The following KLHL29 variants were observed in gnomAD, a reference collection of about 807,000 sequenced individuals.
The protein encoded by KLHL29 is kelch like family member 29.
In KLHL29, 21 loss-of-function variants were observed where a neutral mutation model predicts 80.4. The ratio of observed to expected loss-of-function variants is 0.26; its 90% CI spans 0.19 to 0.38. The LOEUF (loss-of-function observed/expected upper bound fraction) is 0.38, where lower values mean the gene tolerates loss of function less well. Among genes scored for constraint, KLHL29 ranks in the 10% least tolerant of loss-of-function variants. KLHL29 has a pLI of 1.00. For synonymous variants in KLHL29, 511 were observed against 526.8 expected (o/e 0.97, Z 0.41); for missense variants, 867 against 1,223.9 (o/e 0.71, Z 4.35).
At chr2:23,505,835 T>C (rs755798083) in intron 2 of KLHL29, among the ~76,000 whole-genome samples, 5 of 152,300 alleles carry the variant, frequency 3.3e-5, no homozygotes, top group African/African-American at 4.8e-5. Flanking sequence ...ACATCAGAAG[T>C]GTCCTCCCAG....
At chr2:23,398,200 A>G (rs1666500267) in intron 1 of KLHL29, among the ~76,000 whole-genome samples, 1 of 152,272 alleles carries the variant, frequency 6.6e-6, no homozygotes, top group South Asian at 2.1e-4. Flanking sequence ...GCCAAAAGGT[A>G]GAAGCAACCC....
intron 3 of KLHL29, among the ~76,000 whole-genome samples, chr2:23,601,200 A>G (rs1273568365): frequency 2.0e-5 from 3 of 152,174 alleles, no homozygotes; most frequent in African/African-American, 7.2e-5. Context: ...GGCGTCGTCA[A>G]AAGGGGAGAA....
chr2:23,463,637 G>A (rs749333280), intron 1 of KLHL29, among the ~76,000 whole-genome samples: 5 of 152,136 alleles, frequency 3.3e-5, no homozygotes, highest in Admixed American at 1.3e-4. Flanking sequence ...GTCTTCTGCT[G>A]AGTCTTTTGG....
intron 5 of KLHL29, among the ~76,000 whole-genome samples, chr2:23,679,193 A>G (rs1276508108): frequency 1.3e-5 from 2 of 152,180 alleles, no homozygotes; most frequent in African/African-American, 4.8e-5. Flanking sequence ...AACAATTCTA[A>G]AATTCAGTGA....
intron 1 of KLHL29, among the ~76,000 whole-genome samples, chr2:23,422,456 G>C (rs1019888193): frequency 6.7e-6 from 1 of 148,968 alleles, no homozygotes; most frequent in Admixed American, 6.7e-5. Context: ...TGTGTGTTGT[G>C]TGTCTTTTTG....
At chr2:23,568,194 G>A (rs1667636209) in intron 3 of KLHL29, among the ~76,000 whole-genome samples, 1 of 151,504 alleles carries the variant, frequency 6.6e-6, no homozygotes, top group Non-Finnish European at 1.5e-5. Flanking sequence ...CCTTAGTCTG[G>A]GCAAAAAAAA....
chr2:23,395,214 T>A (rs1666418914), intron 1 of KLHL29, among the ~76,000 whole-genome samples: 1 of 152,136 alleles, frequency 6.6e-6, no homozygotes, highest in Non-Finnish European at 1.5e-5. Flanking sequence ...CCCGAGAAAT[T>A]CTGTGAGACA....
chr2:23,563,470 C>T (rs917415072), intron 3 of KLHL29, among the ~76,000 whole-genome samples: 11 of 152,212 alleles, frequency 7.2e-5, no homozygotes, highest in Admixed American at 3.9e-4. Flanking sequence ...CGTGTACATG[C>T]GTGTATGTGC....
At chr2:23,527,002 G>A (rs1330957870) in intron 2 of KLHL29, among the ~76,000 whole-genome samples, 1 of 152,124 alleles carries the variant, frequency 6.6e-6, no homozygotes, top group African/African-American at 2.4e-5. Context: ...GACCACACGG[G>A]GCTGGTATCC....
intron 8 of KLHL29, among the ~76,000 whole-genome samples, chr2:23,694,278 C>T (rs1023057731): frequency 2.0e-5 from 3 of 152,210 alleles, no homozygotes; most frequent in African/African-American, 7.2e-5. Context: ...GCTTAGCTTC[C>T]TCCCACTTCT....
chr2:23,650,714 G>T lies in KLHL29; in HGVS notation c.940+7864G>T, dbSNP rs74479642. Among the ~76,000 whole-genome samples the T allele has an allele frequency of 2.0e-5, 3 of 152,304 alleles. 1 individual carries two copies. Among genetic ancestry groups the T allele is most frequent in the Admixed American group, 2.0e-4 (3 of 15,300 alleles). ...CATGGGCCAGAACTTACCTGTGCAC[G>T]CCGCTTTCTCCTGTCATGACAGGGG... is the stretch of plus-strand genomic sequence containing the variant. On this transcript the variant is annotated intron_variant, in intron 5 of 13. Transcript: ENST00000486442.
intron 3 of KLHL29, among the ~76,000 whole-genome samples, chr2:23,593,205 C>T (rs1477132101): frequency 6.6e-6 from 1 of 152,182 alleles, no homozygotes; most frequent in Non-Finnish European, 1.5e-5. Context: ...CCTCTGGTGG[C>T]TTGTTGACTG....
intron 3 of KLHL29, among the ~76,000 whole-genome samples, chr2:23,572,807 T>A (rs945501552): frequency 6.6e-6 from 1 of 152,102 alleles, no homozygotes; most frequent in African/African-American, 2.4e-5. Context: ...TTCACACCAT[T>A]CTTCTGCCTC....
intron 1 of KLHL29, among the ~76,000 whole-genome samples, chr2:23,423,970 GCT>G (rs1558333187): frequency 6.6e-6 from 1 of 152,108 alleles, no homozygotes; most frequent in Non-Finnish European, 1.5e-5. Context: ...TGGAGCATCC[GCT>G]CTCTCTCCCT....
intron 2 of KLHL29, among the ~76,000 whole-genome samples, chr2:23,507,763 G>A (rs1019178678): frequency 6.6e-6 from 1 of 152,056 alleles, no homozygotes; most frequent in Non-Finnish European, 1.5e-5. Flanking sequence ...TGCCTCTGTT[G>A]TTGCTCTGAC....
chr2:23,414,717 A>G (rs1162705945), intron 1 of KLHL29, among the ~76,000 whole-genome samples: 1 of 152,226 alleles, frequency 6.6e-6, no homozygotes, highest in African/African-American at 2.4e-5. Flanking sequence ...GCCACATAGC[A>G]TAGCCCCAAA....
At chr2:23,447,195 A>G (rs893953218) in intron 1 of KLHL29, among the ~76,000 whole-genome samples, 1 of 152,178 alleles carries the variant, frequency 6.6e-6, no homozygotes, top group Non-Finnish European at 1.5e-5. Flanking sequence ...TAAATCCTGT[A>G]TTGTCCCTGG....
intron 2 of KLHL29, among the ~76,000 whole-genome samples, chr2:23,493,846 C>T (rs556957567): frequency 1.5e-4 from 23 of 152,036 alleles, no homozygotes; most frequent in Non-Finnish European, 2.9e-4. Flanking sequence ...GGATAGATGG[C>T]AAAGTAAAAG....
intron 2 of KLHL29, among the ~76,000 whole-genome samples, chr2:23,506,620 C>T (rs1230979828): frequency 6.6e-6 from 1 of 152,204 alleles, no homozygotes; most frequent in Non-Finnish European, 1.5e-5. Context: ...TGAAATCACA[C>T]TAGGACATTT....
Sources: allele counts gnomAD v4.1 joint callset (sites outside exome capture counted in the v4.1 genomes callset), GRCh38; gene constraint gnomAD v4.1.1; transcripts MANE v1.5; gene names NCBI Gene and HGNC (gene_info 2026-07-23, HGNC 2026-07-21).